The following TOR1A variants were observed in gnomAD, a reference collection of about 807,000 sequenced individuals.
TOR1A encodes the protein torsin-1A.
Under a neutral mutation model 31.4 loss-of-function variants are expected in TOR1A, and 18 were observed. That is an observed-to-expected ratio of 0.57 (90% CI 0.40 to 0.85). The LOEUF is 0.85. Ranked by LOEUF, TOR1A falls within the 40% of genes least tolerant of loss-of-function variation. The pLI is 0.00. For synonymous variants in TOR1A, 168 were observed against 165.9 expected (o/e 1.01, Z -0.10); for missense variants, 375 against 416.4 (o/e 0.90, Z 0.87).
At chr9:129,822,237 C>G (rs1436638360) in intron 2 of TOR1A, 8 of 361,288 alleles carry the variant, frequency 2.2e-5, no homozygotes, top group African/African-American at 2.1e-5. Context: ...TGCACTCCAG[C>G]CCGGGTAAGA....
intron 2 of TOR1A, 21 bp from the exon 3 acceptor site, chr9:129,818,941 G>A (rs1324204791): frequency 6.2e-7 from 1 of 1,609,494 alleles, no homozygotes; most frequent in Admixed American, 1.7e-5. Flanking sequence ...AGGGGAAAAA[G>A]CGAACACAAA....
chr9:129,822,596 G>A lies in TOR1A; in HGVS notation c.429C>T (p.Asn143=). The part of the protein sequence containing the change: ...VATLHFPHAS[N]ITLYKDQLQL... Reference sequence around the variant, plus strand: ...CCATCCTTGCCTTGTACAAGGTGATGTTTGAAGCATGTGGAAAGTGCAATG... The same window carrying A: ...CCATCCTTGCCTTGTACAAGGTGATATTTGAAGCATGTGGAAAGTGCAATG... The change falls in exon 2 of 5, where the codon AAC becomes AAT. Residue 143 remains asparagine, a synonymous_variant. Transcript: ENST00000351698. 6.2e-7 allele frequency: 1 copy of A among 1,614,212 alleles called. No individual in the cohort carries two copies. Among genetic ancestry groups the A allele is most frequent in the Non-Finnish European group, 8.5e-7 (1 of 1,180,034 alleles).
At chr9:129,818,029 G>A (rs2031084974) in intron 4 of TOR1A, among the ~76,000 whole-genome samples, 1 of 149,046 alleles carries the variant, frequency 6.7e-6, no homozygotes, top group African/African-American at 2.5e-5. Flanking sequence ...AAAATAAGCT[G>A]AGCACAGTGG....
At chr9:129,817,090 G>A (rs1300566129) in intron 4 of TOR1A, among the ~76,000 whole-genome samples, 1 of 152,184 alleles carries the variant, frequency 6.6e-6, no homozygotes, top group African/African-American at 2.4e-5. Flanking sequence ...GAAGTAGTGA[G>A]CTAAAACTTA....
In TOR1A at chr9:129,820,543, G is replaced by C. The variant is rs974793862; in HGVS notation, c.445-1623C>G. 6.6e-5 allele frequency among the ~76,000 whole-genome samples: 10 copies of C among 152,220 alleles called. No individual in the cohort carries two copies. The East Asian group carries it at 9.6e-4, about 15-fold the overall frequency. On this transcript the variant is annotated intron_variant, in intron 2 of 4. Transcript: ENST00000351698. ...TGAAGTAACTTTGCCCAAAGTCACA[G>C]TTATTGTTAGTGAAGCCTCAATTCT...
intron 2 of TOR1A, chr9:129,822,240 G>C (rs912085160): frequency 1.7e-4 from 62 of 362,512 alleles, no homozygotes; most frequent in Admixed American, 7.7e-5. Flanking sequence ...ACTCCAGCCC[G>C]GGTAAGAAGA....
rs777751136 is a variant in TOR1A, at chr9:129,818,477, G to A, written c.748+43C>T. Reference sequence around the variant, plus strand: ...GATGCTTTTAACACTTAGGGTGCAGGATTAGGAACCAGATGGGACTGGCGG... The same window carrying A: ...GATGCTTTTAACACTTAGGGTGCAGAATTAGGAACCAGATGGGACTGGCGG... On this transcript the variant is annotated intron_variant, in intron 4 of 4. Transcript: ENST00000351698. The A allele has an allele frequency of 2.5e-6, 4 of 1,612,556 alleles. No homozygotes were observed. The East Asian group carries it at 6.7e-5, about 27-fold the overall frequency.
Position 129,822,593 on chromosome 9 carries a change from G to T in TOR1A, c.432C>A (p.Ile144=). 1 of 1,614,190 alleles carries T rather than the reference G, an allele frequency of 6.2e-7. No individual in the cohort carries two copies. The highest frequency in any genetic ancestry group is 8.5e-7 in the Non-Finnish European group (1 of 1,180,038). ...ATLHFPHASN[I]TLYKDQLQLW... Reference sequence around the variant, plus strand: ...CTTCCATCCTTGCCTTGTACAAGGTGATGTTTGAAGCATGTGGAAAGTGCA... The same window carrying T: ...CTTCCATCCTTGCCTTGTACAAGGTTATGTTTGAAGCATGTGGAAAGTGCA... The change falls in exon 2 of 5, where the codon ATC becomes ATA. Residue 144 remains isoleucine, a synonymous_variant. Coordinates refer to ENST00000351698, the MANE Select transcript of TOR1A (RefSeq NM_000113.3).
intron 1 of TOR1A, 39 bp downstream of exon 1, chr9:129,823,869 C>T (rs2031254540): frequency 6.5e-7 from 1 of 1,536,352 alleles, no homozygotes; most frequent in African/African-American, 1.4e-5. Flanking sequence ...CGCCCAGCCC[C>T]AGCCCCAGCC....
In TOR1A at chr9:129,818,739, C is replaced by G. The variant is rs748292862; in HGVS notation, c.620+6G>C. Reference sequence around the variant, plus strand: ...CCCATCCATCATGTCCTAGCCCTGACCTTACCTGAGAAATATGAACATGGC... The same window carrying G: ...CCCATCCATCATGTCCTAGCCCTGAGCTTACCTGAGAAATATGAACATGGC... On this transcript the variant is annotated splice_donor_region_variant and intron_variant, in intron 3 of 4. Transcript: ENST00000351698. 7 of 1,613,534 alleles carry G rather than the reference C, an allele frequency of 4.3e-6. No individual in the cohort carries two copies. The Admixed American group carries it at 1.2e-4, about 27-fold the overall frequency.
At position 129,823,876 on chromosome 9, in the gene TOR1A, AGCCCCAGCCTCCAG is replaced by A; in HGVS notation, c.178+18_178+31del. 1 of 871,738 alleles carries A rather than the reference AGCCCCAGCCTCCAG, an allele frequency of 1.1e-6. No homozygotes were observed. Among genetic ancestry groups the A allele is most frequent in the Non-Finnish European group, 1.6e-6 (1 of 612,008 alleles). 54.0% of individuals were successfully genotyped at this position (871,738 alleles called of 1,614,324 possible). ...AGTGCCATCGCCCAGCCCCAGCCCC[AGCCCCAGCCTCCAG>A]CCCCCGCCCCAGCCTACCCTCCCGG... On this transcript the variant is annotated intron_variant, in intron 1 of 4. Transcript: ENST00000351698.
chr9:129,823,420 C>T, intron 1 of TOR1A: 1 of 273,108 alleles, frequency 3.7e-6, no homozygotes, highest in Non-Finnish European at 7.2e-6. Flanking sequence ...CCGGCCCCCG[C>T]GGACTCAGCT....
chr9:129,814,209 G>A lies in TOR1A; in HGVS notation c.762C>T (p.His254=), dbSNP rs2030973834. 1.9e-6 allele frequency: 3 copies of A among 1,613,992 alleles called. No individual in the cohort carries two copies. The highest frequency in any genetic ancestry group is 2.5e-6 in the Non-Finnish European group (3 of 1,180,022). ...TGAGGTTCCGGTCAATTAAGCTGCT[G>A]TGCCAGAAGCCACCTGGGAAGAAGA... ...VFNNKNSGFW[H]SSLIDRNLID... is the part of the protein sequence containing the mutation. The change falls in exon 5 of 5, where the codon CAC becomes CAT. Residue 254 remains histidine (H), a synonymous_variant. Transcript: ENST00000351698.
intron 2 of TOR1A, among the ~76,000 whole-genome samples, chr9:129,820,366 C>G (rs541416799): frequency 6.6e-6 from 1 of 152,082 alleles, no homozygotes; most frequent in Non-Finnish European, 1.5e-5. Context: ...GTGATCCACC[C>G]GCTTCGGCCT....
intron 2 of TOR1A, chr9:129,822,249 G>A: frequency 2.7e-6 from 1 of 368,566 alleles, no homozygotes; most frequent in South Asian, 2.2e-5. Context: ...CGGGTAAGAA[G>A]AGTGAAACTC....
intron 4 of TOR1A, among the ~76,000 whole-genome samples, chr9:129,814,974 G>A (rs962366429): frequency 1.3e-5 from 2 of 152,204 alleles, no homozygotes; most frequent in Non-Finnish European, 2.9e-5. Flanking sequence ...GGCCTTGGCC[G>A]TGTTTTCTCC....
At position 129,822,949 on chromosome 9, in the gene TOR1A, C is replaced by A. The variant is rs1158273254; in HGVS notation, c.179-103G>T. The A allele has an allele frequency of 3.2e-6, 5 of 1,549,920 alleles. No homozygotes were observed. In the Admixed American group the frequency reaches 7.0e-5, roughly 22 times the overall value. On this transcript the variant is annotated intron_variant, in intron 1 of 4. Transcript: ENST00000351698. Reference sequence around the variant, plus strand: ...CCAGCAAAGCCGTCTAGACGCCCTCCAAGCACCTTGCGAAACCTCAAGTAC... The same window carrying A: ...CCAGCAAAGCCGTCTAGACGCCCTCAAAGCACCTTGCGAAACCTCAAGTAC...
At chr9:129,814,362 C>G in intron 4 of TOR1A, 140 bp from the exon 5 acceptor site, 1 of 1,311,058 alleles carries the variant, frequency 7.6e-7, no homozygotes, top group East Asian at 2.5e-5. Flanking sequence ...CACACACCTA[C>G]TGGGGGTCAC....
chr9:129,822,353 CTACA>C lies in TOR1A; in HGVS notation c.444+224_444+227del, dbSNP rs1223394654. The C allele has an allele frequency of 9.5e-6, 6 of 634,848 alleles. No homozygotes were observed. In the East Asian group the frequency reaches 1.8e-4, roughly 20 times the overall value. 39.3% of individuals were successfully genotyped at this position (634,848 alleles called of 1,614,324 possible). On this transcript the variant is annotated intron_variant, in intron 2 of 4. Coordinates refer to ENST00000351698, the MANE Select transcript of TOR1A (RefSeq NM_000113.3). Reference sequence around the variant, plus strand: ...TGTCCACCTCTAAAATCCCATGACCCTACATACTCACTGGACCGATTTTCAGAAC... The same window carrying C: ...TGTCCACCTCTAAAATCCCATGACCCTACTCACTGGACCGATTTTCAGAAC...
Sources: allele counts gnomAD v4.1 joint callset (sites outside exome capture counted in the v4.1 genomes callset), GRCh38; gene constraint gnomAD v4.1.1; transcripts MANE v1.5; gene names NCBI Gene and HGNC (gene_info 2026-07-23, HGNC 2026-07-21).